Variants in CNTN4 observed in about 807,000 individuals in gnomAD.
The protein encoded by CNTN4 is contactin 4.
In CNTN4, 77 loss-of-function variants were observed where a neutral mutation model predicts 122.5. That is an observed-to-expected ratio of 0.63 (90% CI 0.52 to 0.76). The LOEUF (loss-of-function observed/expected upper bound fraction) is 0.76, where lower values mean the gene tolerates loss of function less well. CNTN4 is among the 30% of genes least tolerant of loss of function. The probability of loss-of-function intolerance (pLI) is 0.00; values close to 1 mark genes in which losing one functional copy is unlikely to be tolerated. For synonymous variants in CNTN4, 512 were observed against 447.0 expected, an observed-to-expected ratio of 1.15 and a Z score of -1.83; for missense variants, 1,256 against 1,259.1, an observed-to-expected ratio of 1.00 and a Z score of 0.04.
chr3:2,279,464 C>G (rs2041636859), intron 2 of CNTN4, among the ~76,000 whole-genome samples: 1 of 152,168 alleles, frequency 6.6e-6, no homozygotes, highest in South Asian at 2.1e-4. Flanking sequence ...GACATCATCA[C>G]ATGGATGCAA....
chr3:2,816,613 G>C (rs879419231), intron 6 of CNTN4, among the ~76,000 whole-genome samples: 62 of 151,322 alleles, frequency 4.1e-4, no homozygotes, highest in Non-Finnish European at 7.7e-4. Flanking sequence ...ATGAAGTCAA[G>C]AGATCGAGAC....
chr3:3,051,724 T>C (rs1701293519), intron 23 of CNTN4, among the ~76,000 whole-genome samples: 1 of 152,204 alleles, frequency 6.6e-6, no homozygotes, highest in South Asian at 2.1e-4. Context: ...GTTTTCCACC[T>C]TGTGTTAGAG....
At chr3:3,019,806 A>ATT (rs1491098843) in intron 14 of CNTN4, among the ~76,000 whole-genome samples, 1 of 67,374 alleles carries the variant, frequency 1.5e-5, no homozygotes, top group Non-Finnish European at 3.0e-5. Context: ...ATACACATGC[A>ATT]TATATATATA....
chr3:3,049,837 A>G (rs1056170270), intron 23 of CNTN4, among the ~76,000 whole-genome samples: 20 of 132,738 alleles, frequency 1.5e-4, no homozygotes, highest in Non-Finnish European at 3.1e-4. Flanking sequence ...ACTATCACCA[A>G]CTGCAGAGTT....
chr3:2,829,138 C>CAAAAA (rs1383244489), intron 7 of CNTN4, among the ~76,000 whole-genome samples: 2 of 152,164 alleles, frequency 1.3e-5, no homozygotes, highest in African/African-American at 4.8e-5. Flanking sequence ...TGTAATCAGC[C>CAAAAA]AGTTCCTCCC....
intron 4 of CNTN4, among the ~76,000 whole-genome samples, chr3:2,593,801 AAGAAG>A (rs2080620600): frequency 6.6e-6 from 1 of 152,166 alleles, no homozygotes; most frequent in Non-Finnish European, 1.5e-5. Context: ...ACTTGTCATA[AAGAAG>A]AGAAGTGGAG....
At chr3:2,262,505 C>T (rs2040874050) in intron 2 of CNTN4, 1 of 152,040 alleles carries the variant, frequency 6.6e-6, no homozygotes, top group Non-Finnish European at 1.5e-5. Flanking sequence ...GTCTTATAAT[C>T]TCTCTGTGTC....
Position 2,866,823 on chromosome 3 carries a change from A to G in CNTN4, c.526A>G (p.Thr176Ala), listed in dbSNP as rs200414214. Residue 176 changes from threonine to alanine, a missense_variant, in exon 8 of 25, where the codon ACT (threonine) becomes GCT (alanine). By Grantham distance (58) the Thr-to-Ala change is moderately conservative. Transcript: ENST00000418658. ...QDNRRFVSQE[T>A]GNLYIAKVEK... ...TAATCGCCGCTTTGTTTCTCAAGAG[A>G]CTGGGAATCTGTATATTGCCAAAGT... 1.4e-4 allele frequency: 234 copies of G among 1,613,956 alleles called. 4 individuals carry two copies. Among genetic ancestry groups the G allele is most frequent in the South Asian group, 4.1e-4 (37 of 91,072 alleles).
At chr3:2,691,139 A>G (rs1207567545) in intron 4 of CNTN4, among the ~76,000 whole-genome samples, 1 of 152,168 alleles carries the variant, frequency 6.6e-6, no homozygotes, top group African/African-American at 2.4e-5. Context: ...CTGCATTGGC[A>G]GTTACCCCGG....
intron 2 of CNTN4, among the ~76,000 whole-genome samples, chr3:2,244,237 TTCTC>T (rs1292701528): frequency 2.1e-4 from 32 of 152,096 alleles, no homozygotes; most frequent in Admixed American, 1.7e-3. Context: ...TAAATGTGGT[TTCTC>T]TCTCTGTGTG....
chr3:2,294,209 G>T (rs1334722363), intron 2 of CNTN4, among the ~76,000 whole-genome samples: 1 of 151,646 alleles, frequency 6.6e-6, no homozygotes, highest in Non-Finnish European at 1.5e-5. Context: ...TAAGATTTAG[G>T]GACCTGAGAA....
intron 7 of CNTN4, 98 bp downstream of exon 7, chr3:2,819,679 T>A: frequency 2.2e-6 from 2 of 912,384 alleles, no homozygotes; most frequent in Non-Finnish European, 1.8e-6. Flanking sequence ...ACAGTGTCAT[T>A]TATAGAGATT....
chr3:2,699,796 T>G (rs2086260229), intron 4 of CNTN4, among the ~76,000 whole-genome samples: 1 of 152,244 alleles, frequency 6.6e-6, no homozygotes, highest in Non-Finnish European at 1.5e-5. Flanking sequence ...TATTAATGAT[T>G]ATCTGGCTTA....
In CNTN4 at chr3:2,933,014, A is replaced by G. The variant is rs549550318; in HGVS notation, c.1358+7235A>G. On this transcript the variant is annotated intron_variant, in intron 13 of 24. Transcript: ENST00000418658. ...ATTTTTTGTATTTTTAGTAGAGACGAAGTTTCACCGTGTTAGCCAGGATGG... is the reference window on the plus strand; with the variant it reads ...ATTTTTTGTATTTTTAGTAGAGACGGAGTTTCACCGTGTTAGCCAGGATGG... Among the ~76,000 whole-genome samples, 207 of 151,866 alleles carry G rather than the reference A, an allele frequency of 1.4e-3. 2 individuals are homozygous for G. The highest frequency in any genetic ancestry group is 4.0e-3 in the South Asian group (19 of 4,786).
intron 2 of CNTN4, among the ~76,000 whole-genome samples, chr3:2,244,176 T>C (rs2040052521): frequency 1.3e-5 from 2 of 151,824 alleles, no homozygotes; most frequent in African/African-American, 2.4e-5. Context: ...TTAATAACTA[T>C]TGATAAAATA....
intron 2 of CNTN4, among the ~76,000 whole-genome samples, chr3:2,137,609 T>TTAATGAAC (rs1553574797): frequency 5.3e-5 from 8 of 152,170 alleles, no homozygotes; most frequent in African/African-American, 1.9e-4. Flanking sequence ...CATTGGAAAG[T>TTAATGAAC]TTATGAACCT....
At chr3:2,271,565 A>T (rs9814534) in intron 2 of CNTN4, among the ~76,000 whole-genome samples, 1 of 152,110 alleles carries the variant, frequency 6.6e-6, no homozygotes, top group Non-Finnish European at 1.5e-5. Context: ...TTAATGTTCT[A>T]TGTAATTACT....
At chr3:2,299,054 A>T (rs1487890832) in intron 2 of CNTN4, among the ~76,000 whole-genome samples, 2 of 152,204 alleles carry the variant, frequency 1.3e-5, no homozygotes, top group East Asian at 3.9e-4. Flanking sequence ...GTATTGTTTC[A>T]GTGGCTGAGA....
chr3:2,200,919 G>C (rs949864380), intron 2 of CNTN4, among the ~76,000 whole-genome samples: 3 of 152,108 alleles, frequency 2.0e-5, no homozygotes, highest in Non-Finnish European at 4.4e-5. Context: ...TTAAAATTTT[G>C]TGGTAGAAAG....
Sources: gnomAD v4.1 joint callset for allele counts (sites outside exome capture counted in the v4.1 genomes callset) on GRCh38, gnomAD v4.1.1 for gene constraint, MANE v1.5 for transcripts, NCBI Gene and HGNC (gene_info 2026-07-23, HGNC 2026-07-21) for gene names.